Variants in FRMPD4 observed in about 807,000 individuals in gnomAD.
FRMPD4 encodes the protein FERM and PDZ domain-containing protein 4.
FRMPD4 carries 22 observed loss-of-function variants against 94.1 expected under a neutral mutation model. The ratio of observed to expected loss-of-function variants is 0.23; its 90% CI spans 0.17 to 0.33. The LOEUF (loss-of-function observed/expected upper bound fraction) is 0.33, where lower values mean the gene tolerates loss of function less well. FRMPD4 is among the 10% of genes least tolerant of loss of function. The pLI, the probability that FRMPD4 is intolerant of heterozygous loss-of-function variation, is 1.00. For synonymous variants in FRMPD4, 631 were observed against 548.6 expected (o/e 1.15, Z -2.10); for missense variants, 1,111 against 1,339.9 (o/e 0.83, Z 2.67).
At chrX:11,904,959 T>C (rs2053959548) in intron 3 of FRMPD4, among the ~76,000 whole-genome samples, 1 of 112,519 alleles carries the variant, frequency 8.9e-6, no homozygotes, top group African/African-American at 3.2e-5. Context: ...GCATTTCCCC[T>C]TCTTCTTTGC....
Position 12,269,865 on chromosome X carries a change from T to C in FRMPD4, c.41+130853T>C, listed in dbSNP as rs1211283771. Among the ~76,000 whole-genome samples the C allele has an allele frequency of 3.6e-5, 4 of 112,411 alleles. No individual in the cohort carries two copies. In the East Asian group the frequency reaches 1.1e-3, roughly 31 times the overall value. ...TCTCAGATTCTCCAACTTTGTGCCA[T>C]TGGCATGAGAGAATGCATTTCAGGA... On this transcript the variant is annotated intron_variant, in intron 1 of 16. Coordinates refer to ENST00000675598, the MANE Select transcript of FRMPD4 (RefSeq NM_001368397.1).
chrX:12,394,282 A>C (rs913095781), intron 1 of FRMPD4, among the ~76,000 whole-genome samples: 6 of 111,554 alleles, frequency 5.4e-5, no homozygotes, highest in Non-Finnish European at 1.1e-4. Context: ...TCTGTGCTGA[A>C]GCTGAGAGAT....
intron 1 of FRMPD4, among the ~76,000 whole-genome samples, chrX:11,826,893 GCACC>G (rs1432525042): frequency 9.2e-6 from 1 of 109,103 alleles, no homozygotes; most frequent in Non-Finnish European, 1.9e-5. Context: ...CAAAATGCAA[GCACC>G]GTGAGAGAGG....
At chrX:12,701,741 G>A in intron 9 of FRMPD4, 133 bp from the exon 10 acceptor site, 1 of 620,677 alleles carries the variant, frequency 1.6e-6, no homozygotes, top group Non-Finnish European at 2.5e-6. Flanking sequence ...CGGTGGAGAT[G>A]TTTCCACATT....
intron 1 of FRMPD4, among the ~76,000 whole-genome samples, chrX:12,188,429 G>A (rs2056450001): frequency 9.0e-6 from 1 of 111,595 alleles, no homozygotes; most frequent in Admixed American, 9.5e-5. Context: ...TTGGCACACA[G>A]CACTGTATAT....
chrX:12,671,362 A>T (rs1452510448), intron 4 of FRMPD4, among the ~76,000 whole-genome samples: 2 of 112,201 alleles, frequency 1.8e-5, no homozygotes, highest in Admixed American at 9.5e-5. Flanking sequence ...TAGACTGGAT[A>T]AAGAAAATGT....
At chrX:12,336,940 G>A (rs2055536295) in intron 1 of FRMPD4, among the ~76,000 whole-genome samples, 1 of 111,521 alleles carries the variant, frequency 9.0e-6, no homozygotes, top group Non-Finnish European at 1.9e-5. Flanking sequence ...GTTTGAATAT[G>A]ATAATATTAG....
intron 2 of FRMPD4, among the ~76,000 whole-genome samples, chrX:12,550,913 G>A (rs1368873682): frequency 2.4e-5 from 2 of 81,831 alleles, no homozygotes; most frequent in African/African-American, 4.2e-5. Context: ...AAATATATAC[G>A]AATACATAAA....
intron 3 of FRMPD4, among the ~76,000 whole-genome samples, chrX:12,055,430 C>T (rs778816346): frequency 9.0e-6 from 1 of 111,226 alleles, no homozygotes; most frequent in Admixed American, 9.6e-5. Flanking sequence ...GTGGCACCTC[C>T]CTGCACCCCT....
intron 2 of FRMPD4, among the ~76,000 whole-genome samples, chrX:12,516,611 G>A (rs2058099730): frequency 9.0e-6 from 1 of 111,228 alleles, no homozygotes. Flanking sequence ...CTTTCTCTCT[G>A]GCTGCCCTTA....
At chrX:11,994,074 C>A (rs1037642960) in intron 3 of FRMPD4, among the ~76,000 whole-genome samples, 1 of 110,665 alleles carries the variant, frequency 9.0e-6, no homozygotes, top group African/African-American at 3.3e-5. Context: ...GTGATTTTGC[C>A]CCCCCAGAAG....
intron 1 of FRMPD4, among the ~76,000 whole-genome samples, chrX:12,269,353 A>AAT (rs1487649200): frequency 5.1e-5 from 2 of 39,197 alleles, no homozygotes; most frequent in Non-Finnish European, 8.6e-5. Flanking sequence ...TTAATAAAAT[A>AAT]AAAAAAAAAA....
intron 3 of FRMPD4, among the ~76,000 whole-genome samples, chrX:12,060,176 C>T (rs1008091892): frequency 8.9e-4 from 98 of 110,731 alleles, no homozygotes; most frequent in Non-Finnish European, 1.7e-3. Flanking sequence ...TAAGGAATCT[C>T]CTGACTGCTT....
At chrX:12,377,835 G>A (rs773485373) in intron 1 of FRMPD4, among the ~76,000 whole-genome samples, 1 of 112,424 alleles carries the variant, frequency 8.9e-6, no homozygotes, top group Non-Finnish European at 1.9e-5. Context: ...AGGATGCCTT[G>A]GCATTAGGCA....
intron 9 of FRMPD4, among the ~76,000 whole-genome samples, chrX:12,699,989 G>C (rs765872256): frequency 1.8e-5 from 2 of 112,046 alleles, no homozygotes; most frequent in South Asian, 7.6e-4. Flanking sequence ...TCTGGAATGG[G>C]AGTCTTATGA....
intron 1 of FRMPD4, among the ~76,000 whole-genome samples, chrX:12,332,846 A>G (rs979976275): frequency 1.8e-5 from 2 of 112,256 alleles, no homozygotes; most frequent in Non-Finnish European, 3.8e-5. Context: ...TCACTCTTAA[A>G]ATACTGCATC....
intron 1 of FRMPD4, among the ~76,000 whole-genome samples, chrX:12,263,347 T>A (rs2054222445): frequency 9.0e-6 from 1 of 111,329 alleles, no homozygotes; most frequent in African/African-American, 3.3e-5. Flanking sequence ...GCAAGAGCAT[T>A]TGCAAGCAGA....
intron 3 of FRMPD4, among the ~76,000 whole-genome samples, chrX:12,038,668 T>A (rs763481898): frequency 1.8e-5 from 2 of 112,012 alleles, no homozygotes; most frequent in Non-Finnish European, 3.8e-5. Flanking sequence ...GACATTTAGG[T>A]CTGTGATCAA....
At chrX:12,190,890 A>G (rs2056483724) in intron 1 of FRMPD4, among the ~76,000 whole-genome samples, 1 of 111,589 alleles carries the variant, frequency 9.0e-6, no homozygotes, top group Non-Finnish European at 1.9e-5. Context: ...CATGAAGGAA[A>G]AAAATTGATA....
Sources: allele counts gnomAD v4.1 joint callset (sites outside exome capture counted in the v4.1 genomes callset), GRCh38; gene constraint gnomAD v4.1.1; transcripts MANE v1.5; gene names NCBI Gene and HGNC (gene_info 2026-07-23, HGNC 2026-07-21).